The following WDR70 variants were observed in gnomAD, a reference collection of about 807,000 sequenced individuals.
WDR70 encodes the protein WD repeat domain 70.
In WDR70, 53 loss-of-function variants were observed where a neutral mutation model predicts 88.6. The ratio of observed to expected loss-of-function variants is 0.60; its 90% CI spans 0.48 to 0.75. The LOEUF is 0.75. Among genes scored for constraint, WDR70 ranks in the 30% least tolerant of loss-of-function variants. WDR70 has a pLI of 0.00. For synonymous variants in WDR70, 280 were observed against 270.0 expected, an observed-to-expected ratio of 1.04 and a Z score of -0.36; for missense variants, 610 against 823.2, an observed-to-expected ratio of 0.74 and a Z score of 3.17.
chr5:37,501,577 T>A lies in WDR70; in HGVS notation c.841-14937T>A, dbSNP rs528277028. ...TTGTGTTGGGCCACATTCAAAGCCA[T>A]TCCGGGCCATGGTTTGGACAAGTTT... is the stretch of plus-strand genomic sequence containing the variant. On this transcript the variant is annotated intron_variant, in intron 8 of 17. Coordinates refer to ENST00000265107, the MANE Select transcript of WDR70 (RefSeq NM_018034.4). Among the ~76,000 whole-genome samples the A allele has an allele frequency of 1.6e-4, 25 of 152,338 alleles. No homozygotes were observed. In the South Asian group the frequency reaches 5.2e-3, roughly 32 times the overall value.
chr5:37,526,111 G>T (rs1741261595), intron 9 of WDR70, among the ~76,000 whole-genome samples: 1 of 152,298 alleles, frequency 6.6e-6, no homozygotes, highest in African/African-American at 2.4e-5. Flanking sequence ...GAAAAAGAGG[G>T]AATCCTCCCT....
At chr5:37,526,981 G>A (rs1214540031) in intron 9 of WDR70, among the ~76,000 whole-genome samples, 2 of 152,082 alleles carry the variant, frequency 1.3e-5, no homozygotes, top group African/African-American at 4.8e-5. Context: ...AAATGAAAGA[G>A]GACACAAAGA....
intron 9 of WDR70, among the ~76,000 whole-genome samples, chr5:37,565,500 C>A (rs1323252718): frequency 6.6e-6 from 1 of 152,020 alleles, no homozygotes; most frequent in Non-Finnish European, 1.5e-5. Context: ...CCCTTTTGAT[C>A]TTAACAAGAT....
chr5:37,600,317 G>T (rs1743835246), intron 9 of WDR70, among the ~76,000 whole-genome samples: 2 of 152,090 alleles, frequency 1.3e-5, no homozygotes, highest in East Asian at 3.9e-4. Flanking sequence ...CATGATGTCA[G>T]GAGATCGAGA....
chr5:37,421,062 A>G (rs536258094), intron 5 of WDR70, among the ~76,000 whole-genome samples: 1 of 152,356 alleles, frequency 6.6e-6, no homozygotes, highest in South Asian at 2.1e-4. Context: ...TGCTCCAGTG[A>G]AGTGGAGGTA....
At chr5:37,692,132 T>C (rs187806435) in intron 10 of WDR70, among the ~76,000 whole-genome samples, 3 of 152,146 alleles carry the variant, frequency 2.0e-5, no homozygotes, top group Admixed American at 6.5e-5. Flanking sequence ...CCTGGACACA[T>C]ACACCACCCC....
chr5:37,565,906 A>G (rs1742726607), intron 9 of WDR70, among the ~76,000 whole-genome samples: 1 of 152,102 alleles, frequency 6.6e-6, no homozygotes, highest in Non-Finnish European at 1.5e-5. Context: ...CTTGCTTTTT[A>G]GGAATTCATG....
chr5:37,479,689 C>A, intron 7 of WDR70, 145 bp from the exon 8 acceptor site: 1 of 957,776 alleles, frequency 1.0e-6, no homozygotes, highest in Non-Finnish European at 1.5e-6. Flanking sequence ...GTATTTAGAA[C>A]CCATTTGAGG....
intron 9 of WDR70, among the ~76,000 whole-genome samples, chr5:37,557,961 T>TGAAAACTCTTCAAAAGC (rs1176435994): frequency 2.0e-5 from 3 of 148,284 alleles, no homozygotes; most frequent in Non-Finnish European, 4.5e-5. Context: ...AAGAGTATTA[T>TGAAAACTCTTCAAAAGC]GTATATTTAT....
intron 17 of WDR70, among the ~76,000 whole-genome samples, chr5:37,736,922 A>G (rs1748321519): frequency 6.6e-6 from 1 of 152,174 alleles, no homozygotes; most frequent in Admixed American, 6.5e-5. Context: ...AGAAAATTCA[A>G]ATTTACTGAC....
intron 13 of WDR70, among the ~76,000 whole-genome samples, chr5:37,705,085 A>G (rs974699253): frequency 3.9e-5 from 6 of 152,182 alleles, no homozygotes; most frequent in African/African-American, 1.4e-4. Flanking sequence ...TTTGGAAGAA[A>G]GACAGTGAAT....
intron 10 of WDR70, among the ~76,000 whole-genome samples, chr5:37,636,188 G>A (rs1427104836): frequency 6.6e-6 from 1 of 151,024 alleles, no homozygotes. Flanking sequence ...AAGGACACAG[G>A]AGCTAACTGG....
rs191374087 is a variant in WDR70 at position 37,750,596 on chromosome 5, C to T, written c.1878-1890C>T. 1.7e-4 allele frequency among the ~76,000 whole-genome samples: 26 copies of T among 152,200 alleles called. No individual in the cohort carries two copies. In the East Asian group the frequency reaches 4.6e-3, roughly 27 times the overall value. On this transcript the variant is annotated intron_variant, in intron 17 of 17. Transcript: ENST00000265107. ...CAAATCTCATCTTGAATTGTAGCTC[C>T]CATAATTGTCACATCATGGGAAGGA...
intron 9 of WDR70, among the ~76,000 whole-genome samples, chr5:37,553,074 G>A (rs1476198157): frequency 1.3e-5 from 2 of 152,104 alleles, no homozygotes; most frequent in African/African-American, 4.8e-5. Flanking sequence ...GTCAATTTCT[G>A]GATCTTTTCT....
chr5:37,480,138 G>A, intron 8 of WDR70, 151 bp downstream of exon 8: 1 of 1,035,644 alleles, frequency 9.7e-7, no homozygotes, highest in Non-Finnish European at 1.4e-6. Flanking sequence ...TTGATTGGGT[G>A]GTTCTGCTTC....
chr5:37,474,960 C>T (rs1008152515), intron 7 of WDR70, among the ~76,000 whole-genome samples: 13 of 151,804 alleles, frequency 8.6e-5, no homozygotes, highest in South Asian at 2.1e-4. Flanking sequence ...GCTCTATTGC[C>T]CAGGCTGGAG....
chr5:37,633,382 A>AT (rs1279309890), intron 10 of WDR70, among the ~76,000 whole-genome samples: 1 of 152,100 alleles, frequency 6.6e-6, no homozygotes, highest in Non-Finnish European at 1.5e-5. Context: ...TTTATGTATT[A>AT]TATATTTTAT....
intron 8 of WDR70, among the ~76,000 whole-genome samples, chr5:37,515,839 GC>G (rs1165795412): frequency 6.6e-6 from 1 of 152,114 alleles, no homozygotes; most frequent in Non-Finnish European, 1.5e-5. Flanking sequence ...AGGGAATTAT[GC>G]ATTTGTATAT....
intron 3 of WDR70, among the ~76,000 whole-genome samples, chr5:37,383,791 G>C (rs1440231398): frequency 6.6e-6 from 1 of 151,332 alleles, no homozygotes; most frequent in Non-Finnish European, 1.5e-5. Flanking sequence ...CACCGTGTTA[G>C]GCAGGATGGT....
Sources: gnomAD v4.1 joint callset for allele counts (sites outside exome capture counted in the v4.1 genomes callset) on GRCh38, gnomAD v4.1.1 for gene constraint, MANE v1.5 for transcripts, NCBI Gene and HGNC (gene_info 2026-07-23, HGNC 2026-07-21) for gene names.